Variants in LHFPL3 observed in about 807,000 individuals in gnomAD.
The protein encoded by LHFPL3 is LHFPL tetraspan subfamily member 3.
LHFPL3 carries 5 observed loss-of-function variants against 19.3 expected under a neutral mutation model. The ratio of observed to expected loss-of-function variants is 0.26; its 90% CI spans 0.14 to 0.54. The LOEUF is 0.54. LHFPL3 is among the 20% of genes least tolerant of loss of function. The pLI is 0.94. For synonymous variants in LHFPL3, 133 were observed against 126.2 expected, an observed-to-expected ratio of 1.05 and a Z score of -0.36; for missense variants, 249 against 307.4, an observed-to-expected ratio of 0.81 and a Z score of 1.42.
intron 1 of LHFPL3, among the ~76,000 whole-genome samples, chr7:104,667,134 C>T (rs1440549200): frequency 6.6e-6 from 1 of 152,042 alleles, no homozygotes; most frequent in African/African-American, 2.4e-5. Flanking sequence ...GTTCTTTTTT[C>T]TCTGCATCCT....
intron 2 of LHFPL3, among the ~76,000 whole-genome samples, chr7:104,841,493 G>GTGTGTGTGTGTGTGT (rs372610653): frequency 1.1e-3 from 151 of 140,934 alleles, no homozygotes; most frequent in African/African-American, 2.9e-3. Context: ...CATTATGTGG[G>GTGTGTGTGTGTGTGT]GTGTGTGTGT....
chr7:104,540,506 G>T (rs1390390655), intron 1 of LHFPL3, among the ~76,000 whole-genome samples: 1 of 152,192 alleles, frequency 6.6e-6, no homozygotes, highest in African/African-American at 2.4e-5. Flanking sequence ...TGTCAATAGT[G>T]CCAAGGTTGA....
rs1033330700 is a variant in LHFPL3 at position 104,531,574 on chromosome 7, G to A, written c.445+202350G>A. Among the ~76,000 whole-genome samples, 5 of 152,170 alleles carry A rather than the reference G, an allele frequency of 3.3e-5. No homozygotes were observed. In the South Asian group the frequency reaches 1.0e-3, roughly 32 times the overall value. The stretch of plus-strand genomic sequence containing the variant: ...CTAAGACCCCTACAAAGAAAGCCCG[G>A]CCCACCTACTGTGTGCAGTCATGTC... On this transcript the variant is annotated intron_variant, in intron 1 of 2. Transcript: ENST00000424859.
At chr7:104,862,391 C>T (rs946111968) in intron 2 of LHFPL3, among the ~76,000 whole-genome samples, 5 of 152,180 alleles carry the variant, frequency 3.3e-5, no homozygotes, top group African/African-American at 4.8e-5. Flanking sequence ...CACTTTAAAA[C>T]ATTACTCTAA....
At chr7:104,754,385 G>C (rs1794242032) in intron 2 of LHFPL3, among the ~76,000 whole-genome samples, 1 of 152,202 alleles carries the variant, frequency 6.6e-6, no homozygotes, top group Non-Finnish European at 1.5e-5. Flanking sequence ...CAGTGGAAGA[G>C]AGGATGAAGA....
At chr7:104,522,547 AG>A (rs759325352) in intron 1 of LHFPL3, among the ~76,000 whole-genome samples, 213 of 152,294 alleles carry the variant, frequency 1.4e-3, no homozygotes, top group Admixed American at 2.9e-3. Context: ...AATAAAAAAA[AG>A]AATAAAGAAA....
intron 1 of LHFPL3, among the ~76,000 whole-genome samples, chr7:104,420,004 G>A (rs1791695105): frequency 6.6e-6 from 1 of 152,124 alleles, no homozygotes; most frequent in Non-Finnish European, 1.5e-5. Flanking sequence ...AACAGTGGAG[G>A]CAAAGCAAGG....
chr7:104,818,284 A>G (rs773198869), intron 2 of LHFPL3, among the ~76,000 whole-genome samples: 5 of 152,044 alleles, frequency 3.3e-5, no homozygotes, highest in Non-Finnish European at 5.9e-5. Context: ...GTCACAATCA[A>G]CATGGGCAGG....
At chr7:104,501,697 C>A (rs968551595) in intron 1 of LHFPL3, among the ~76,000 whole-genome samples, 9 of 152,038 alleles carry the variant, frequency 5.9e-5, no homozygotes, top group African/African-American at 2.2e-4. Context: ...CCTGATACAG[C>A]CTGGGGCTCA....
At chr7:104,737,041 G>A (rs552745253) in intron 2 of LHFPL3, 130 bp downstream of exon 2, 2 of 661,234 alleles carry the variant, frequency 3.0e-6, no homozygotes, top group South Asian at 1.9e-5. Context: ...ATACCGTGTA[G>A]CTTGCAGACT....
chr7:104,418,919 G>A lies in LHFPL3; in HGVS notation c.445+89695G>A, dbSNP rs541515505. Among the ~76,000 whole-genome samples the A allele has an allele frequency of 3.3e-5, 5 of 152,340 alleles. No homozygotes were observed. In the East Asian group the frequency reaches 9.6e-4, roughly 29 times the overall value. On this transcript the variant is annotated intron_variant, in intron 1 of 2. Transcript: ENST00000424859. ...TGCACTGCACATGTGTTATCTAAAT[G>A]CGAAGAGCAATCCTATGAGACAAGT...
rs545131354 is a variant in LHFPL3, at chr7:104,434,175, A to G, written c.445+104951A>G. Among the ~76,000 whole-genome samples, 13 of 152,330 alleles carry G rather than the reference A, an allele frequency of 8.5e-5. No individual in the cohort carries two copies. In the East Asian group the frequency reaches 2.5e-3, roughly 29 times the overall value. On this transcript the variant is annotated intron_variant, in intron 1 of 2. Transcript: ENST00000424859. ...CTGACTTATTCAATGGTTACAGAGG[A>G]CTAACTCCCCTTGATTGGATCCACC...
intron 1 of LHFPL3, among the ~76,000 whole-genome samples, chr7:104,591,720 G>T (rs1244403964): frequency 6.6e-6 from 1 of 152,140 alleles, no homozygotes; most frequent in Non-Finnish European, 1.5e-5. Flanking sequence ...TTTCCAAGTT[G>T]GTTCCATTCT....
intron 1 of LHFPL3, among the ~76,000 whole-genome samples, chr7:104,391,548 C>T (rs1344245833): frequency 1.3e-5 from 2 of 152,136 alleles, no homozygotes; most frequent in Non-Finnish European, 2.9e-5. Flanking sequence ...GTCTATATCT[C>T]TGTTTTGGTA....
chr7:104,894,130 G>A (rs1460346181), intron 2 of LHFPL3, among the ~76,000 whole-genome samples: 2 of 152,072 alleles, frequency 1.3e-5, no homozygotes, highest in African/African-American at 2.4e-5. Context: ...CAGCAGAGCC[G>A]GACCTAATCT....
At chr7:104,439,214 G>A (rs1474655743) in intron 1 of LHFPL3, among the ~76,000 whole-genome samples, 1 of 152,032 alleles carries the variant, frequency 6.6e-6, no homozygotes, top group East Asian at 1.9e-4. Flanking sequence ...AAAACTGCTG[G>A]GATTACAGTT....
At chr7:104,600,411 T>G (rs1198970569) in intron 1 of LHFPL3, among the ~76,000 whole-genome samples, 2 of 152,232 alleles carry the variant, frequency 1.3e-5, no homozygotes, top group South Asian at 4.1e-4. Context: ...AATCTCTATG[T>G]CTGAAAGATT....
At chr7:104,665,545 G>T (rs771901540) in intron 1 of LHFPL3, among the ~76,000 whole-genome samples, 8 of 152,302 alleles carry the variant, frequency 5.3e-5, no homozygotes, top group South Asian at 2.1e-4. Flanking sequence ...CCGGCTTTGT[G>T]TATGTACAAA....
At chr7:104,335,588 T>A (rs1209073264) in intron 1 of LHFPL3, among the ~76,000 whole-genome samples, 1 of 152,170 alleles carries the variant, frequency 6.6e-6, no homozygotes, top group Non-Finnish European at 1.5e-5. Flanking sequence ...ATACAATATA[T>A]TGTTAGGAAT....
Sources: gnomAD v4.1 joint callset for allele counts (sites outside exome capture counted in the v4.1 genomes callset) on GRCh38, gnomAD v4.1.1 for gene constraint, MANE v1.5 for transcripts, NCBI Gene and HGNC (gene_info 2026-07-23, HGNC 2026-07-21) for gene names.